The following EIF2B3 variants were observed in gnomAD, a reference collection of about 807,000 sequenced individuals.
EIF2B3 encodes translation initiation factor eIF2B subunit gamma.
EIF2B3 carries 20 observed loss-of-function variants against 54.1 expected under a neutral mutation model. That is an observed-to-expected ratio of 0.37 (90% CI 0.26 to 0.54). The LOEUF (loss-of-function observed/expected upper bound fraction) is 0.54, where lower values mean the gene tolerates loss of function less well. Among genes scored for constraint, EIF2B3 ranks in the 20% least tolerant of loss-of-function variants. The pLI is 0.86. For missense variants in EIF2B3, 448 were observed against 547.8 expected, an observed-to-expected ratio of 0.82 and a Z score of 1.82; for synonymous variants, 153 against 188.1, an observed-to-expected ratio of 0.81 and a Z score of 1.52.
At chr1:44,944,625 T>C (rs914683967) in intron 3 of EIF2B3, among the ~76,000 whole-genome samples, 3 of 152,136 alleles carry the variant, frequency 2.0e-5, no homozygotes, top group Non-Finnish European at 2.9e-5. Flanking sequence ...AGACCCCATC[T>C]CTAAAAATAC....
Position 44,881,668 on chromosome 1 carries a change from T to C in EIF2B3, c.728A>G (p.Gln243Arg), listed in dbSNP as rs745626063. 7.4e-6 allele frequency: 12 copies of C among 1,614,082 alleles called. No homozygotes were observed. In the South Asian group the frequency reaches 1.1e-4, roughly 15 times the overall value. ...CTCCTCTTTTTCTTCTTGTCCCTGT[T>C]GTGAGGAAGCTGAGGAAAACTGTTT... The part of the protein sequence containing the change: ...VRKQFSSASS[Q>R]QGQEEKEEDL... The change falls in exon 7 of 12, where the codon CAA (glutamine) becomes CGA (arginine). Residue 243 changes from glutamine (Q) to arginine (R), a missense_variant. Physicochemically the swap from Gln to Arg is conservative, Grantham distance 43. This residue lies in a region of EIF2B3 where 350 missense variants were observed against 414.2 expected (regional missense o/e 0.85). Transcript: ENST00000360403. This position sits in a 1 kb window ranked among gnomAD's most constrained non-coding sequence, Gnocchi z 4.0.
At chr1:44,950,165 G>A (rs1644145174) in intron 3 of EIF2B3, among the ~76,000 whole-genome samples, 1 of 152,220 alleles carries the variant, frequency 6.6e-6, no homozygotes, top group African/African-American at 2.4e-5. Context: ...GCTCATGCCT[G>A]TAACCCCAGC....
rs71040529 is a variant in EIF2B3, at chr1:44,984,797, C to CTTTTTTTTTTTTTTTTTTTTTTTTTTTT, written c.-10+1695_-10+1696insAAAAAAAAAAAAAAAAAAAAAAAAAAAA. Among the ~76,000 whole-genome samples the CTTTTTTTTTTTTTTTTTTTTTTTTTTTT allele has an allele frequency of 2.1e-4, 19 of 88,532 alleles. 2 individuals are homozygous for CTTTTTTTTTTTTTTTTTTTTTTTTTTTT. The highest frequency in any genetic ancestry group is 4.3e-4 in the African/African-American group (8 of 18,584). 58.1% of individuals were successfully genotyped at this position (88,532 alleles called of 152,430 possible). A position where few individuals can be genotyped will look rare whatever the true frequency, so the allele number is the denominator to read the frequency against. ...GTAAAGCAGACAAAATAATGTCCAT[C>CTTTTTTTTTTTTTTTTTTTTTTTTTTTT]TTTTTTTTTTTTTTTTTTTTGAGAC... On this transcript the variant is annotated intron_variant, in intron 1 of 11. Coordinates refer to ENST00000360403, the MANE Select transcript of EIF2B3 (RefSeq NM_020365.5).
At chr1:44,947,017 C>T (rs531000034) in intron 3 of EIF2B3, among the ~76,000 whole-genome samples, 1 of 152,286 alleles carries the variant, frequency 6.6e-6, no homozygotes, top group Non-Finnish European at 1.5e-5. Flanking sequence ...CCTGAACATG[C>T]CAACACTCAG....
intron 11 of EIF2B3, among the ~76,000 whole-genome samples, chr1:44,854,517 A>G (rs555743628): frequency 7.9e-5 from 12 of 151,946 alleles, no homozygotes; most frequent in African/African-American, 2.9e-4. Flanking sequence ...TTTTGGGGAA[A>G]AAGACTGCTA....
chr1:44,957,980 T>G (rs941688106), intron 3 of EIF2B3, among the ~76,000 whole-genome samples: 1 of 152,230 alleles, frequency 6.6e-6, no homozygotes, highest in Admixed American at 6.5e-5. Context: ...TAAGAATTTA[T>G]CATGCAACAA....
chr1:44,875,527 G>C, intron 9 of EIF2B3, 91 bp downstream of exon 9: 3 of 1,217,586 alleles, frequency 2.5e-6, no homozygotes, highest in Non-Finnish European at 3.6e-6. Flanking sequence ...ATGAGGTTCA[G>C]GACTTAAAGG....
At chr1:44,851,067 T>C in intron 11 of EIF2B3, 64 bp from the exon 12 acceptor site, 2 of 1,524,500 alleles carry the variant, frequency 1.3e-6, no homozygotes, top group Non-Finnish European at 1.8e-6. Context: ...CAAACCCAAC[T>C]GCTTTTTTTT....
chr1:44,938,131 C>A (rs1310524608), intron 4 of EIF2B3, among the ~76,000 whole-genome samples: 1 of 151,958 alleles, frequency 6.6e-6, no homozygotes, highest in Non-Finnish European at 1.5e-5. Flanking sequence ...GACTATTAAA[C>A]AATATCTGGG....
rs117710744 is a variant in EIF2B3 at position 44,929,462 on chromosome 1, T to C, written c.455-2723A>G. On this transcript the variant is annotated intron_variant, in intron 4 of 11. Transcript: ENST00000360403. ...TAATATAAATGAGGAAAAACAATTA[T>C]AAAAAATTATATGTTGGGGTTTTTT... Among the ~76,000 whole-genome samples, 757 of 152,306 alleles carry C rather than the reference T, an allele frequency of 5.0e-3. 4 individuals carry two copies. Among genetic ancestry groups the C allele is most frequent in the East Asian group, 8.1e-3 (42 of 5,190 alleles).
At position 44,874,664 on chromosome 1, in the gene EIF2B3, A is replaced by G. The variant is rs1573696602; in HGVS notation, c.1202+14T>C. 3 of 1,613,968 alleles carry G rather than the reference A, an allele frequency of 1.9e-6. No homozygotes were observed. Among genetic ancestry groups the G allele is most frequent in the Non-Finnish European group, 2.5e-6 (3 of 1,179,898 alleles). ...CATTATCTTTGCCTCAAGTGGGTAC[A>G]GGGGGAAACATACCCTTCCTCCACA... On this transcript the variant is annotated intron_variant, in intron 10 of 11. Coordinates refer to ENST00000360403, the MANE Select transcript of EIF2B3 (RefSeq NM_020365.5).
In EIF2B3 at chr1:44,850,805, C is replaced by A; in HGVS notation, c.*146G>T. ...CTGTGTACACCTGGAGCCCACCTGA[C>A]ATGGAGCTTTGGACTGCTCCACAAG... On this transcript the variant is annotated 3_prime_UTR_variant, in exon 12 of 12. Transcript: ENST00000360403. The A allele has an allele frequency of 1.2e-6, 1 of 838,312 alleles. No homozygotes were observed. Among genetic ancestry groups the A allele is most frequent in the Non-Finnish European group, 2.0e-6 (1 of 501,540 alleles). 51.9% of individuals were successfully genotyped at this position (838,312 alleles called of 1,614,324 possible).
At chr1:44,906,919 C>T (rs911580940) in intron 5 of EIF2B3, among the ~76,000 whole-genome samples, 1 of 152,272 alleles carries the variant, frequency 6.6e-6, no homozygotes, top group East Asian at 1.9e-4. Flanking sequence ...AAATGAACTT[C>T]GGATCTCCCT....
intron 3 of EIF2B3, among the ~76,000 whole-genome samples, chr1:44,969,019 G>A (rs533032240): frequency 3.9e-5 from 6 of 152,078 alleles, no homozygotes; most frequent in South Asian, 4.2e-4. Flanking sequence ...CATTATATGC[G>A]CCCTCCTTTA....
intron 11 of EIF2B3, among the ~76,000 whole-genome samples, chr1:44,856,999 C>T (rs1654454699): frequency 6.6e-6 from 1 of 151,872 alleles, no homozygotes; most frequent in Non-Finnish European, 1.5e-5. Context: ...GAGATGGGTT[C>T]CTGCTATGTT....
chr1:44,946,189 T>A (rs893463915), intron 3 of EIF2B3, among the ~76,000 whole-genome samples: 2 of 152,124 alleles, frequency 1.3e-5, no homozygotes, highest in Non-Finnish European at 2.9e-5. Flanking sequence ...CTGTTCTTAG[T>A]GTGAAAAGAA....
chr1:44,860,348 G>A (rs573814496), intron 10 of EIF2B3, among the ~76,000 whole-genome samples: 3 of 152,104 alleles, frequency 2.0e-5, no homozygotes, highest in Non-Finnish European at 4.4e-5. Context: ...AAAATCACCT[G>A]AGTAGTGTAA....
At chr1:44,940,357 T>A (rs550949150) in intron 4 of EIF2B3, among the ~76,000 whole-genome samples, 1 of 151,658 alleles carries the variant, frequency 6.6e-6, no homozygotes, top group South Asian at 2.1e-4. Context: ...AAAAAACACA[T>A]CATTCAGGAA....
intron 7 of EIF2B3, among the ~76,000 whole-genome samples, chr1:44,880,863 A>G (rs1329248945): frequency 1.3e-5 from 2 of 152,184 alleles, no homozygotes; most frequent in East Asian, 1.9e-4. Flanking sequence ...GGGGAGGCTG[A>G]GGCAGGAGAA....
Sources: gnomAD v4.1 joint callset for allele counts (sites outside exome capture counted in the v4.1 genomes callset) on GRCh38, gnomAD v4.1.1 for gene constraint, gnomAD v4.1.1 regional missense constraint, Gnocchi (gnomAD v3.1) non-coding constraint, MANE v1.5 for transcripts, NCBI Gene and HGNC (gene_info 2026-07-23, HGNC 2026-07-21) for gene names.